Variants in LIPM observed in about 807,000 individuals in gnomAD.
The protein encoded by LIPM is lipase member M.
A neutral mutation model predicts 42.4 loss-of-function variants in LIPM; 42 were observed. The observed-to-expected ratio is 0.99, with a 90% confidence interval of 0.77 to 1.28. The LOEUF is 1.28. Among genes scored for constraint, LIPM ranks in the 50% most tolerant of loss-of-function variants. The pLI is 0.00. For missense variants in LIPM, 524 were observed against 520.1 expected, an observed-to-expected ratio of 1.01 and a Z score of -0.07; for synonymous variants, 177 against 173.3, an observed-to-expected ratio of 1.02 and a Z score of -0.17.
At chr10:88,811,757 C>T (rs1033669371) in intron 2 of LIPM, among the ~76,000 whole-genome samples, 3 of 152,118 alleles carry the variant, frequency 2.0e-5, no homozygotes, top group Non-Finnish European at 2.9e-5. Flanking sequence ...CCATCTCTTA[C>T]GTGTATCTTA....
rs1303732880 is a variant in LIPM, at chr10:88,804,343, G to T, written c.147+1300G>T. On this transcript the variant is annotated intron_variant, in intron 1 of 8. Transcript: ENST00000404743. ...GTACCCAGCACCTATACACTACTGG[G>T]GCTTCAGGAGTCTGTAGACTAAAGC... Among the ~76,000 whole-genome samples, 5 of 152,088 alleles carry T rather than the reference G, an allele frequency of 3.3e-5. No individual in the cohort carries two copies. The East Asian group carries it at 9.6e-4, about 29-fold the overall frequency.
intron 1 of LIPM, among the ~76,000 whole-genome samples, chr10:88,806,957 G>T (rs893935922): frequency 1.3e-5 from 2 of 152,070 alleles, no homozygotes; most frequent in Admixed American, 1.3e-4. Flanking sequence ...CCAAAGTGCT[G>T]GGATTACAGG....
At chr10:88,805,642 G>A (rs303536) in intron 1 of LIPM, among the ~76,000 whole-genome samples, 3 of 152,008 alleles carry the variant, frequency 2.0e-5, no homozygotes, top group Middle Eastern at 3.4e-3. Context: ...ATTTTCCAAC[G>A]TTTTTTCTGC....
rs757473592 is a variant in LIPM at position 88,813,201 on chromosome 10, G to C, written c.370G>C (p.Gly124Arg). The C allele has an allele frequency of 6.2e-7, 1 of 1,613,782 alleles. No individual in the cohort carries two copies. The highest frequency in any genetic ancestry group is 1.1e-5 in the South Asian group (1 of 91,050). ...NSLGFILADA[G>R]FDVWMGNSRG... is the part of the protein sequence containing the mutation. The stretch of plus-strand genomic sequence containing the variant: ...CCTGGGCTTCATTCTGGCAGATGCT[G>C]GTTTTGACGTGTGGATGGGGAACAG... Residue 124 changes from glycine (G) to arginine (R), a missense_variant, in exon 3 of 9, where the codon GGT becomes CGT. By Grantham distance (125) the Gly-to-Arg change is moderately radical (BLOSUM62 -2). Transcript: ENST00000404743.
At chr10:88,807,549 G>A (rs3979140) in intron 1 of LIPM, among the ~76,000 whole-genome samples, 39,237 of 152,176 alleles carry the variant, frequency 0.26, 5,805 homozygotes, top group Middle Eastern at 0.46. Context: ...CTACTGTATA[G>A]AGTAAGGATT....
At chr10:88,817,007 A>T (rs1307603674) in intron 7 of LIPM, 120 bp downstream of exon 7, 2 of 752,756 alleles carry the variant, frequency 2.7e-6, no homozygotes, top group East Asian at 5.5e-5. Flanking sequence ...GATGAAATGC[A>T]GTATCGTCGA....
intron 2 of LIPM, 51 bp downstream of exon 2, chr10:88,808,466 G>T: frequency 9.5e-7 from 1 of 1,049,446 alleles, no homozygotes; most frequent in Non-Finnish European, 1.4e-6. Flanking sequence ...CTGCAGTCAC[G>T]ATTTCCTTGT....
At chr10:88,811,082 A>T (rs1388350912) in intron 2 of LIPM, among the ~76,000 whole-genome samples, 2 of 151,934 alleles carry the variant, frequency 1.3e-5, no homozygotes, top group African/African-American at 4.8e-5. Context: ...GATGGAATTC[A>T]TGAAGACTGT....
At chr10:88,803,171 C>T in intron 1 of LIPM, 128 bp downstream of exon 1, 1 of 1,033,494 alleles carries the variant, frequency 9.7e-7, no homozygotes, top group South Asian at 1.7e-5. Flanking sequence ...GATGAAGTAG[C>T]AAATTGTACT....
intron 2 of LIPM, 27 bp from the exon 3 acceptor site, chr10:88,813,070 T>C: frequency 2.0e-6 from 3 of 1,528,820 alleles, no homozygotes; most frequent in Non-Finnish European, 2.7e-6. Flanking sequence ...GAACATTTCA[T>C]ACAGTTGAAA....
At chr10:88,818,258 T>C (rs780715622) in intron 8 of LIPM, among the ~76,000 whole-genome samples, 1 of 152,204 alleles carries the variant, frequency 6.6e-6, no homozygotes, top group African/African-American at 2.4e-5. Context: ...GTTTGTTTCA[T>C]GGCACAGTAA....
chr10:88,813,322 T>A, intron 3 of LIPM, 27 bp downstream of exon 3: 1 of 1,483,884 alleles, frequency 6.7e-7, no homozygotes, highest in Non-Finnish European at 9.0e-7. Flanking sequence ...AGAACAGAGG[T>A]AGACATGTCT....
At chr10:88,807,673 A>G (rs1843605695) in intron 1 of LIPM, among the ~76,000 whole-genome samples, 1 of 152,188 alleles carries the variant, frequency 6.6e-6, no homozygotes, top group African/African-American at 2.4e-5. Context: ...CCTCAAATTC[A>G]CAGAGGGAAC....
At chr10:88,818,140 GC>G (rs1564599484) in intron 8 of LIPM, among the ~76,000 whole-genome samples, 1 of 152,164 alleles carries the variant, frequency 6.6e-6, no homozygotes, top group African/African-American at 2.4e-5. Context: ...AAGGTACTGG[GC>G]TTCTCAGGAG....
chr10:88,813,376 T>C, intron 3 of LIPM, 81 bp downstream of exon 3: 1 of 1,193,986 alleles, frequency 8.4e-7, no homozygotes, highest in Non-Finnish European at 1.2e-6. Flanking sequence ...TTCTAGTATT[T>C]GGTTGATTTA....
rs996629025 is a variant in LIPM, at chr10:88,820,543, T to G, written c.*42T>G. 3.3e-6 allele frequency: 5 copies of G among 1,529,300 alleles called. No individual in the cohort carries two copies. Among genetic ancestry groups the G allele is most frequent in the Non-Finnish European group, 4.4e-6 (5 of 1,138,232 alleles). The allele number at this position is 1,529,300 out of a possible 1,614,324, so 94.7% of individuals were successfully genotyped here. A position where few individuals can be genotyped will look rare whatever the true frequency, so the allele number is the denominator to read the frequency against. On this transcript the variant is annotated 3_prime_UTR_variant, in exon 9 of 9. Coordinates refer to ENST00000404743, the MANE Select transcript of LIPM (RefSeq NM_001128215.1). ...GATCTTAGGACAACCTCCTGAGGGA[T>G]GGGGCTAGGACCCATGAAGGCAGAA...
chr10:88,817,410 C>G (rs896097919), intron 7 of LIPM, among the ~76,000 whole-genome samples: 1 of 150,980 alleles, frequency 6.6e-6, no homozygotes, highest in African/African-American at 2.4e-5. Flanking sequence ...TAGGGAGAGA[C>G]AGAGAGAGAG....
At chr10:88,807,307 TAA>T (rs925447285) in intron 1 of LIPM, among the ~76,000 whole-genome samples, 2 of 152,226 alleles carry the variant, frequency 1.3e-5, no homozygotes, top group African/African-American at 4.8e-5. Context: ...GAACCAGTGT[TAA>T]AACTCAAACA....
chr10:88,812,925 G>A (rs567119004), intron 2 of LIPM, among the ~76,000 whole-genome samples, 172 bp from the exon 3 acceptor site: 6 of 152,246 alleles, frequency 3.9e-5, no homozygotes, highest in Non-Finnish European at 7.4e-5. Flanking sequence ...TTACTGATGA[G>A]GAAATCAAGG....
Sources: gnomAD v4.1 joint callset for allele counts (sites outside exome capture counted in the v4.1 genomes callset) on GRCh38, gnomAD v4.1.1 for gene constraint, MANE v1.5 for transcripts, NCBI Gene and HGNC (gene_info 2026-07-23, HGNC 2026-07-21) for gene names.